The following PSMA4 variants were observed in gnomAD, a reference collection of about 807,000 sequenced individuals.
PSMA4 encodes proteasome 20S subunit alpha 4, also known as proteasome subunit alpha type-4.
PSMA4 carries 8 observed loss-of-function variants against 37.2 expected under a neutral mutation model. The observed-to-expected ratio is 0.22, with a 90% CI of 0.13 to 0.39. The LOEUF (loss-of-function observed/expected upper bound fraction) is 0.39, where lower values mean the gene tolerates loss of function less well. Ranked by LOEUF, PSMA4 falls within the 10% of genes least tolerant of loss-of-function variation. The probability of loss-of-function intolerance (pLI) is 1.00; values close to 1 mark genes in which losing one functional copy is unlikely to be tolerated. For missense variants in PSMA4, 169 were observed against 305.1 expected (o/e 0.55, Z 3.32); for synonymous variants, 93 against 98.8 (o/e 0.94, Z 0.35).
rs769729758 is a variant in PSMA4, at chr15:78,548,853, A to G, written c.695A>G (p.Glu232Gly). The change falls in exon 9 of 9, where the codon GAA becomes GGA. Residue 232 changes from glutamate (E) to glycine (G), a missense_variant. Transcript: ENST00000044462. ...GTAATCAGAGTTCTCAAACAAAAAG[A>G]AGTGGAGCAGTTGATCAAAAAACAT... ...KTVIRVLKQK[E>G]VEQLIKKHEE... The G allele has an allele frequency of 1.9e-6, 3 of 1,613,400 alleles. No homozygotes were observed. The South Asian group carries it at 3.3e-5, about 18-fold the overall frequency.
intron 6 of PSMA4, among the ~76,000 whole-genome samples, chr15:78,545,188 TG>T (rs1316999017): frequency 6.6e-6 from 1 of 152,238 alleles, no homozygotes; most frequent in African/African-American, 2.4e-5. Flanking sequence ...ACACTTGTGT[TG>T]GGAGCCTTCC....
Position 78,551,873 on chromosome 15 carries a change from G to A in PSMA4, c.*2929G>A, listed in dbSNP as rs2052647990. 1 of 152,132 alleles carries A rather than the reference G, an allele frequency of 6.6e-6. No individual in the cohort carries two copies. The highest frequency in any genetic ancestry group is 6.5e-5 in the Admixed American group (1 of 15,276). The allele number at this position is 152,132 out of a possible 1,614,324, so 9.4% of individuals were successfully genotyped here. ...CTTCTTCAAAGGCAATAGTGAATAA[G>A]AGAGCCTGGTATAGTTTGCCGCCAC... On this transcript the variant is annotated 3_prime_UTR_variant, in exon 9 of 9. Transcript: ENST00000044462.
intron 8 of PSMA4, among the ~76,000 whole-genome samples, chr15:78,548,121 C>T (rs537884810): frequency 1.1e-4 from 17 of 151,954 alleles, no homozygotes; most frequent in Non-Finnish European, 2.5e-4. Context: ...AATCCTGCTA[C>T]TCAGGAGGCT....
At chr15:78,544,379 G>C (rs75754317) in intron 5 of PSMA4, 112 bp downstream of exon 5, 368,550 of 626,150 alleles carry the variant, frequency 0.59, 117,528 homozygotes, top group East Asian at 0.88. Context: ...GCAGTGGCAC[G>C]ATCTTGGCTC....
chr15:78,544,905 G>A lies in PSMA4; in HGVS notation c.324G>A (p.Glu108=). ...LLQYQEPIPC[E]QLVTALCDIK... ...AGTATCAGGAGCCAATACCTTGTGA[G>A]CAGTTGGTTACAGCGCTGTGTGATA... Residue 108 remains glutamate, a synonymous_variant, in exon 6 of 9, where the codon GAG becomes GAA. Coordinates refer to ENST00000044462, the MANE Select transcript of PSMA4 (RefSeq NM_002789.6). 6.2e-7 allele frequency: 1 copy of A among 1,612,182 alleles called. No individual in the cohort carries two copies. Among genetic ancestry groups the A allele is most frequent in the Non-Finnish European group, 8.5e-7 (1 of 1,178,586 alleles).
At chr15:78,546,861 G>A (rs1322643869) in intron 8 of PSMA4, among the ~76,000 whole-genome samples, 163 bp downstream of exon 8, 1 of 151,468 alleles carries the variant, frequency 6.6e-6, no homozygotes, top group Non-Finnish European at 1.5e-5. Context: ...CGCCTCCTTG[G>A]TTCAAGTGAT....
chr15:78,547,292 C>T (rs1859421404), intron 8 of PSMA4, among the ~76,000 whole-genome samples: 1 of 152,182 alleles, frequency 6.6e-6, no homozygotes, highest in South Asian at 2.1e-4. Context: ...AGACATCCTG[C>T]ACTGTGCTAC....
At chr15:78,546,876 C>A (rs2052563015) in intron 8 of PSMA4, among the ~76,000 whole-genome samples, 178 bp downstream of exon 8, 1 of 151,750 alleles carries the variant, frequency 6.6e-6, no homozygotes, top group South Asian at 2.1e-4. Context: ...AGTGATTCTC[C>A]TGCCTCAGCC....
In PSMA4 at chr15:78,544,918, G is replaced by C; in HGVS notation, c.337G>C (p.Ala113Pro). Residue 113 changes from alanine (A) to proline (P), a missense_variant, in exon 6 of 9, where the codon GCG (alanine) becomes CCG (proline). Ala to Pro is a conservative substitution (Grantham distance 27). Around this residue, in one of 2 missense-constraint regions of PSMA4, gnomAD observed 79 missense variants for 212.4 expected, o/e 0.37. Coordinates refer to ENST00000044462, the MANE Select transcript of PSMA4 (RefSeq NM_002789.6). ...EPIPCEQLVT[A>P]LCDIKQAYTQ... Reference sequence around the variant, plus strand: ...AATACCTTGTGAGCAGTTGGTTACAGCGCTGTGTGATATCAAACAAGCTTA... The same window carrying C: ...AATACCTTGTGAGCAGTTGGTTACACCGCTGTGTGATATCAAACAAGCTTA... The C allele has an allele frequency of 1.2e-6, 2 of 1,611,630 alleles. No individual in the cohort carries two copies. The highest frequency in any genetic ancestry group is 1.7e-6 in the Non-Finnish European group (2 of 1,178,636).
rs2052609731 is a variant in PSMA4, at chr15:78,549,193, TGAAG to T, written c.*253_*256del. ...TGGAATAAAATTTGGAAAATGGAAATGAAGGAATAAATTCTCTGTAGCAGTAATT... is the reference window on the plus strand; with the variant it reads ...TGGAATAAAATTTGGAAAATGGAAATGAATAAATTCTCTGTAGCAGTAATT... On this transcript the variant is annotated 3_prime_UTR_variant, in exon 9 of 9. Coordinates refer to ENST00000044462, the MANE Select transcript of PSMA4 (RefSeq NM_002789.6). The T allele has an allele frequency of 5.0e-5, 19 of 380,888 alleles. No individual in the cohort carries two copies. In the East Asian group the frequency reaches 1.0e-3, roughly 21 times the overall value. The allele number at this position is 380,888 out of a possible 1,614,324, so 23.6% of individuals were successfully genotyped here.
Position 78,544,911 on chromosome 15 carries a change from G to A in PSMA4, c.330G>A (p.Leu110=), listed in dbSNP as rs1265268078. ...AGGAGCCAATACCTTGTGAGCAGTTGGTTACAGCGCTGTGTGATATCAAAC... is the reference window on the plus strand; with the variant it reads ...AGGAGCCAATACCTTGTGAGCAGTTAGTTACAGCGCTGTGTGATATCAAAC... ...QYQEPIPCEQ[L]VTALCDIKQA... Residue 110 remains leucine, a synonymous_variant, in exon 6 of 9, where the codon TTG becomes TTA. Coordinates refer to ENST00000044462, the MANE Select transcript of PSMA4 (RefSeq NM_002789.6). 6.2e-7 allele frequency: 1 copy of A among 1,612,246 alleles called. No homozygotes were observed. The highest frequency in any genetic ancestry group is 8.5e-7 in the Non-Finnish European group (1 of 1,178,892).
rs541549271 is a variant in PSMA4, at chr15:78,541,839, A to G, written c.-23-66A>G. The G allele has an allele frequency of 9.0e-6, 12 of 1,326,464 alleles. No homozygotes were observed. In the South Asian group the frequency reaches 1.5e-4, roughly 16 times the overall value. The allele number at this position is 1,326,464 out of a possible 1,614,324, so 82.2% of individuals were successfully genotyped here. On this transcript the variant is annotated intron_variant, in intron 1 of 8. Transcript: ENST00000044462. ...AAGGGAGTAAATAAAACAGATTTGT[A>G]AAGTCAGCAAATGCTTTTTAATTTG...
Position 78,546,548 on chromosome 15 carries a change from A to C in PSMA4, c.508-27A>C, listed in dbSNP as rs567786451. ...GTTTCTAAAAAATGTAAAAACTTAA[A>C]ATTCTATGTTGATTCATGTTTTATA... On this transcript the variant is annotated intron_variant, in intron 7 of 8. Transcript: ENST00000044462. 52 of 1,555,900 alleles carry C rather than the reference A, an allele frequency of 3.3e-5. No homozygotes were observed. The African/African-American group carries it at 7.1e-4, about 21-fold the overall frequency.
chr15:78,546,335 C>T (rs1408756801), intron 7 of PSMA4, among the ~76,000 whole-genome samples: 4 of 151,770 alleles, frequency 2.6e-5, no homozygotes, highest in Non-Finnish European at 1.5e-5. Flanking sequence ...TCCTAGCTAC[C>T]CAGGAGGCCA....
In PSMA4 at chr15:78,552,023, T is replaced by G. The variant is rs966548466; in HGVS notation, c.*3079T>G. ...TAGGAGGTGAGGCAAAAGCTACTCT[T>G]TAACTGTGAGTTTTTTTTCCTTGCG... On this transcript the variant is annotated 3_prime_UTR_variant, in exon 9 of 9. Coordinates refer to ENST00000044462, the MANE Select transcript of PSMA4 (RefSeq NM_002789.6). The G allele has an allele frequency of 1.3e-5, 2 of 152,238 alleles. No individual in the cohort carries two copies. Among genetic ancestry groups the G allele is most frequent in the African/African-American group, 4.8e-5 (2 of 41,464 alleles). 9.4% of individuals were successfully genotyped at this position (152,238 alleles called of 1,614,324 possible).
intron 2 of PSMA4, 109 bp from the exon 3 acceptor site, chr15:78,542,068 C>A: frequency 6.9e-7 from 1 of 1,448,832 alleles, no homozygotes; most frequent in Non-Finnish European, 9.6e-7. Flanking sequence ...TTTCCTCTCA[C>A]CTATTGAACT....
At chr15:78,545,018 C>T (rs1015759584) in intron 6 of PSMA4, 61 bp downstream of exon 6, 1 of 1,182,650 alleles carries the variant, frequency 8.5e-7, no homozygotes, top group East Asian at 2.5e-5. Context: ...AGTTATAACC[C>T]TTTTGAGGTA....
intron 1 of PSMA4, 80 bp from the exon 2 acceptor site, chr15:78,541,825 T>G: frequency 8.3e-7 from 1 of 1,211,804 alleles, no homozygotes. Flanking sequence ...AGGGAGTAAA[T>G]AAAACAGATT....
chr15:78,541,564 G>C (rs1209849435), intron 1 of PSMA4: 2 of 309,836 alleles, frequency 6.5e-6, no homozygotes, highest in South Asian at 2.8e-5. Context: ...TAGACCCAAG[G>C]GTTCTCAGCC....
Sources: gnomAD v4.1 joint callset for allele counts (sites outside exome capture counted in the v4.1 genomes callset) on GRCh38, gnomAD v4.1.1 for gene constraint, gnomAD v4.1.1 regional missense constraint, MANE v1.5 for transcripts, NCBI Gene and HGNC (gene_info 2026-07-23, HGNC 2026-07-21) for gene names.